RBM42: variants seen among roughly 807,000 people sequenced by gnomAD.
RBM42 encodes RNA binding motif protein 42, also known as RNA-binding protein 42.
RBM42 carries 21 observed loss-of-function variants against 41.4 expected under a neutral mutation model. The ratio of observed to expected loss-of-function variants is 0.51; its 90% CI spans 0.36 to 0.73. The LOEUF is 0.73. Among genes scored for constraint, RBM42 ranks in the 30% least tolerant of loss-of-function variants. The pLI is 0.00. For missense variants in RBM42, 539 were observed against 680.4 expected (o/e 0.79, Z 2.31); for synonymous variants, 272 against 271.2 (o/e 1.00, Z -0.03).
chr19:35,630,331 C>G (rs1387648277), intron 2 of RBM42, among the ~76,000 whole-genome samples: 1 of 150,050 alleles, frequency 6.7e-6, no homozygotes, highest in Non-Finnish European at 1.5e-5. Flanking sequence ...AAAAAAAGCC[C>G]TGAGGCAGGT....
chr19:35,629,853 T>G (rs760390879), intron 2 of RBM42, among the ~76,000 whole-genome samples, 180 bp downstream of exon 2: 7 of 152,234 alleles, frequency 4.6e-5, no homozygotes, highest in Non-Finnish European at 7.3e-5. Context: ...CTGTGGGAGC[T>G]TATATTCTAG....
chr19:35,631,517 T>C (rs1325557385), intron 4 of RBM42, 112 bp downstream of exon 4: 5 of 1,001,032 alleles, frequency 5.0e-6, no homozygotes, highest in Admixed American at 4.7e-5. Context: ...GATCCCAACT[T>C]GATGTTGTCA....
Position 35,629,131 on chromosome 19 carries a change from C to T in RBM42, c.-23C>T. The T allele has an allele frequency of 6.6e-7, 1 of 1,520,048 alleles. No individual in the cohort carries two copies. The highest frequency in any genetic ancestry group is 1.2e-5 in the South Asian group (1 of 82,630). 94.2% of individuals were successfully genotyped at this position (1,520,048 alleles called of 1,614,324 possible). A position where few individuals can be genotyped will look rare whatever the true frequency, so the allele number is the denominator to read the frequency against. Reference sequence around the variant, plus strand: ...GGCGGCTAAGCAGAGACTGTAGTAGCGGCGACAGCGACGACGGCAGCGATG... The same window carrying T: ...GGCGGCTAAGCAGAGACTGTAGTAGTGGCGACAGCGACGACGGCAGCGATG... On this transcript the variant is annotated 5_prime_UTR_variant, in exon 1 of 10. Transcript: ENST00000262633.
intron 6 of RBM42, 98 bp downstream of exon 6, chr19:35,633,350 ACTT>A: frequency 1.0e-5 from 10 of 975,054 alleles, no homozygotes; most frequent in Non-Finnish European, 1.5e-5. Flanking sequence ...CTCTCTCCTG[ACTT>A]TCTGTTTCTC....
At chr19:35,631,305 C>T (rs1310240894) in intron 3 of RBM42, 26 bp from the exon 4 acceptor site, 1 of 1,613,620 alleles carries the variant, frequency 6.2e-7, no homozygotes, top group African/African-American at 1.3e-5. Flanking sequence ...CTCCTCCCAC[C>T]ATCCTTGCCT....
At position 35,637,518 on chromosome 19, in the gene RBM42, G is replaced by T; in HGVS notation, c.1407G>T (p.Lys469Asn). ...ACCGGAATCTGGACGTGGTCCGCAA[G>T]AAGCAGAAGGAAAAGAAGAAGCTGG... Reference protein sequence around the residue: ...WKDRNLDVVRKKQKEKKKLGL... With the variant: ...WKDRNLDVVRNKQKEKKKLGL... The change falls in exon 10 of 10, where the codon AAG (lysine) becomes AAT (asparagine). Residue 469 changes from lysine (K) to asparagine (N), a missense_variant. By Grantham distance (94) the Lys-to-Asn change is moderately conservative (BLOSUM62 0). Around this residue, in one of 2 missense-constraint regions of RBM42, gnomAD observed 110 missense variants for 191.5 expected, o/e 0.57. Coordinates refer to ENST00000262633, the MANE Select transcript of RBM42 (RefSeq NM_024321.5). The surrounding 1 kb of genome is among the most constrained non-coding windows in gnomAD (Gnocchi z 7.0). 6.2e-7 allele frequency: 1 copy of T among 1,614,242 alleles called. No homozygotes were observed. Among genetic ancestry groups the T allele is most frequent in the African/African-American group, 1.3e-5 (1 of 75,062 alleles).
At chr19:35,636,558 A>T (rs1347747266) in intron 8 of RBM42, among the ~76,000 whole-genome samples, 2 of 152,236 alleles carry the variant, frequency 1.3e-5, no homozygotes, top group Non-Finnish European at 2.9e-5. Context: ...GGCCCAACTC[A>T]GAGGCAGCAT....
In RBM42 at chr19:35,629,164, C is replaced by T; in HGVS notation, c.11C>T (p.Ala4Val). The change falls in exon 1 of 10, where the codon GCG (alanine) becomes GTG (valine). Residue 4 changes from alanine (A) to valine (V), a missense_variant. Physicochemically the swap from Ala to Val is moderately conservative, Grantham distance 64. Coordinates refer to ENST00000262633, the MANE Select transcript of RBM42 (RefSeq NM_024321.5). Reference protein sequence around the residue: MAGAGPAPGLPGAG... With the variant: MAGVGPAPGLPGAG... ...GCGACGACGGCAGCGATGGCTGGGG[C>T]GGGGCCAGCCCCGGGACTCCCGGGT... The T allele has an allele frequency of 1.3e-6, 2 of 1,521,642 alleles. No homozygotes were observed. Among genetic ancestry groups the T allele is most frequent in the Non-Finnish European group, 1.8e-6 (2 of 1,139,302 alleles). 94.3% of individuals were successfully genotyped at this position (1,521,642 alleles called of 1,614,324 possible).
Position 35,633,851 on chromosome 19 carries a change from C to A in RBM42, c.849C>A (p.Ser283Arg). The change falls in exon 7 of 10, where the codon AGC (serine) becomes AGA (arginine). Residue 283 changes from serine to arginine, a missense_variant. Physicochemically the swap from Ser to Arg is moderately radical, Grantham distance 110. Transcript: ENST00000262633. ...APAGPAVIGP[S>R]LPLALAMPLP... Reference sequence around the variant, plus strand: ...CTGGCCCTGCAGTCATTGGGCCCAGCCTGCCGCTGGCCCTGGCCATGCCAT... The same window carrying A: ...CTGGCCCTGCAGTCATTGGGCCCAGACTGCCGCTGGCCCTGGCCATGCCAT... The A allele has an allele frequency of 6.4e-7, 1 of 1,571,318 alleles. No individual in the cohort carries two copies. The highest frequency in any genetic ancestry group is 8.6e-7 in the Non-Finnish European group (1 of 1,162,802).
Position 35,637,139 on chromosome 19 carries a change from A to T in RBM42, c.1136-19A>T, listed in dbSNP as rs940358619. 6.2e-7 allele frequency: 1 copy of T among 1,600,500 alleles called. No homozygotes were observed. The highest frequency in any genetic ancestry group is 8.5e-7 in the Non-Finnish European group (1 of 1,172,762). ...CAAGGCCTCTGCATCCTCTGATGTCATCTCTTCCCCATCCCCAGATGACTT... is the reference window on the plus strand; with the variant it reads ...CAAGGCCTCTGCATCCTCTGATGTCTTCTCTTCCCCATCCCCAGATGACTT... On this transcript the variant is annotated intron_variant, in intron 8 of 9. Transcript: ENST00000262633. The surrounding 1 kb of genome is among the most constrained non-coding windows in gnomAD (Gnocchi z 7.0).
rs1444206723 is a variant in RBM42, at chr19:35,637,258, G to A, written c.1236G>A (p.Val412=). 6.2e-6 allele frequency: 10 copies of A among 1,614,078 alleles called. No individual in the cohort carries two copies. Among genetic ancestry groups the A allele is most frequent in the Non-Finnish European group, 8.5e-6 (10 of 1,180,044 alleles). ...SRFPSFLKAK[V]IRDKRTGKTK... is the part of the protein sequence containing the mutation. The stretch of plus-strand genomic sequence containing the variant: ...TCCCATCCTTCCTTAAGGCCAAGGT[G>A]ATCCGTGACAAGCGCACAGGCAAGA... The change falls in exon 9 of 10, where the codon GTG becomes GTA. Residue 412 remains valine (V), a synonymous_variant. Coordinates refer to ENST00000262633, the MANE Select transcript of RBM42 (RefSeq NM_024321.5). This position sits in a 1 kb window ranked among gnomAD's most constrained non-coding sequence, Gnocchi z 7.0.
chr19:35,636,603 G>A (rs930643445), intron 8 of RBM42, among the ~76,000 whole-genome samples: 4 of 152,222 alleles, frequency 2.6e-5, no homozygotes, highest in African/African-American at 4.8e-5. Context: ...TGGCGGAGGA[G>A]CAGGCAGCAT....
chr19:35,634,288 G>A lies in RBM42; in HGVS notation c.1050G>A (p.Lys350=), dbSNP rs1967459051. 1 of 1,614,098 alleles carries A rather than the reference G, an allele frequency of 6.2e-7. No individual in the cohort carries two copies. Among genetic ancestry groups the A allele is most frequent in the Non-Finnish European group, 8.5e-7 (1 of 1,180,046 alleles). The change falls in exon 8 of 10, where the codon AAG becomes AAA. Residue 350 remains lysine (K), a synonymous_variant. Coordinates refer to ENST00000262633, the MANE Select transcript of RBM42 (RefSeq NM_024321.5). The part of the protein sequence containing the change: ...VPEPLGEDKK[K]GKPEKLKRCI... ...AGCCCCTGGGTGAAGACAAGAAGAAGGGGAAGCCAGAGAAATTGAAACGGT... is the reference window on the plus strand; with the variant it reads ...AGCCCCTGGGTGAAGACAAGAAGAAAGGGAAGCCAGAGAAATTGAAACGGT...
Position 35,632,989 on chromosome 19 carries a change from C to G in RBM42, c.496C>G (p.Leu166Val), listed in dbSNP as rs558999306. The change falls in exon 5 of 10, where the codon CTA (leucine) becomes GTA (valine). Residue 166 changes from leucine to valine, a missense_variant. Physicochemically the swap from Leu to Val is conservative, Grantham distance 32. Transcript: ENST00000262633. ...ILRPAFVPHV[L>V]QRADSALSSA... ...GCGTCCAGCCTTCGTCCCCCACGTG[C>G]TACAGAGAGCAGGTGAGGGGCCAGG... The G allele has an allele frequency of 1.2e-6, 2 of 1,610,604 alleles. No individual in the cohort carries two copies. The highest frequency in any genetic ancestry group is 1.7e-5 in the Admixed American group (1 of 59,964).
chr19:35,631,761 A>G (rs1967410714), intron 4 of RBM42: 3 of 309,212 alleles, frequency 9.7e-6, no homozygotes, highest in Admixed American at 4.9e-5. Flanking sequence ...AGGAAGCATT[A>G]TGTACTGTCT....
At position 35,634,306 on chromosome 19, in the gene RBM42, G is replaced by C; in HGVS notation, c.1068G>C (p.Leu356Phe). ...AGAAGAAGGGGAAGCCAGAGAAATT[G>C]AAACGGTGCATTCGCACAGCGGCAG... Reference protein sequence around the residue: ...EDKKKGKPEKLKRCIRTAAGS... With the variant: ...EDKKKGKPEKFKRCIRTAAGS... Residue 356 changes from leucine (L) to phenylalanine (F), a missense_variant, in exon 8 of 10, where the codon TTG becomes TTC. Transcript: ENST00000262633. 1.2e-6 allele frequency: 2 copies of C among 1,614,188 alleles called. No individual in the cohort carries two copies. Among genetic ancestry groups the C allele is most frequent in the Non-Finnish European group, 1.7e-6 (2 of 1,180,046 alleles).
At position 35,637,361 on chromosome 19, in the gene RBM42, G is replaced by A. The variant is rs372203647; in HGVS notation, c.1330+9G>A. On this transcript the variant is annotated intron_variant, in intron 9 of 9. Transcript: ENST00000262633. This position sits in a 1 kb window ranked among gnomAD's most constrained non-coding sequence, Gnocchi z 7.0. The stretch of plus-strand genomic sequence containing the variant: ...CATGCGTGAGATGAATGGTGGGTGC[G>A]GCCTCCCCTGGGAACTGCAGGCGCG... 1.5e-5 allele frequency: 25 copies of A among 1,614,082 alleles called. No individual in the cohort carries two copies. Among genetic ancestry groups the A allele is most frequent in the Middle Eastern group, 1.6e-4 (1 of 6,062 alleles).
At position 35,637,013 on chromosome 19, in the gene RBM42, C is replaced by A. The variant is rs1967509412; in HGVS notation, c.1136-145C>A. The A allele has an allele frequency of 2.8e-6, 2 of 717,140 alleles. No homozygotes were observed. Among genetic ancestry groups the A allele is most frequent in the Non-Finnish European group, 4.5e-6 (2 of 441,616 alleles). The allele number at this position is 717,140 out of a possible 1,614,324, so 44.4% of individuals were successfully genotyped here. A position where few individuals can be genotyped will look rare whatever the true frequency, so the allele number is the denominator to read the frequency against. On this transcript the variant is annotated intron_variant, in intron 8 of 9. Coordinates refer to ENST00000262633, the MANE Select transcript of RBM42 (RefSeq NM_024321.5). This position sits in a 1 kb window ranked among gnomAD's most constrained non-coding sequence, Gnocchi z 7.0. Reference sequence around the variant, plus strand: ...CTCCAGGTGCCAGCAGAGCTCCTGGCGCAGGGTCAGTAGGTGTTGACCATT... The same window carrying A: ...CTCCAGGTGCCAGCAGAGCTCCTGGAGCAGGGTCAGTAGGTGTTGACCATT...
In RBM42 at chr19:35,633,932, C is replaced by T. The variant is rs1185549785; in HGVS notation, c.930C>T (p.Pro310=). The change falls in exon 7 of 10, where the codon CCC becomes CCT. Residue 310 remains proline (P), a synonymous_variant. Coordinates refer to ENST00000262633, the MANE Select transcript of RBM42 (RefSeq NM_024321.5). ...TGGAGGTCGTCCGCGGCCTCCTGCCCCCGCTGCGCATTCCTGAACTCCTGT... is the reference window on the plus strand; with the variant it reads ...TGGAGGTCGTCCGCGGCCTCCTGCCTCCGCTGCGCATTCCTGAACTCCTGT... ...LPLEVVRGLL[P]PLRIPELLSL... The T allele has an allele frequency of 2.5e-6, 4 of 1,582,780 alleles. No individual in the cohort carries two copies. Among genetic ancestry groups the T allele is most frequent in the Non-Finnish European group, 2.6e-6 (3 of 1,169,536 alleles).
Sources: gnomAD v4.1 joint callset for allele counts (sites outside exome capture counted in the v4.1 genomes callset) on GRCh38, gnomAD v4.1.1 for gene constraint, gnomAD v4.1.1 regional missense constraint, Gnocchi (gnomAD v3.1) non-coding constraint, MANE v1.5 for transcripts, NCBI Gene and HGNC (gene_info 2026-07-23, HGNC 2026-07-21) for gene names.